The following AVEN variants were observed in gnomAD, a reference collection of about 807,000 sequenced individuals.
The protein encoded by AVEN is apoptosis and caspase activation inhibitor.
Under a neutral mutation model 38.1 loss-of-function variants are expected in AVEN, and 41 were observed. The observed-to-expected ratio is 1.08, with a 90% confidence interval of 0.84 to 1.40. The LOEUF (loss-of-function observed/expected upper bound fraction) is 1.40. Ranked by LOEUF, AVEN falls within the 40% of genes most tolerant of loss-of-function variation. AVEN has a pLI of 0.00. For missense variants in AVEN, 605 were observed against 438.8 expected (o/e 1.38, Z -3.38); for synonymous variants, 206 against 171.8 (o/e 1.20, Z -1.56).
At chr15:33,866,116 G>A (rs1890427277), downstream of AVEN, 2 of 163,104 alleles carry the variant, frequency 1.2e-5, no homozygotes, top group African/African-American at 4.8e-5. Flanking sequence ...CCAGGGTCTG[G>A]ACTCTTGGAA....
chr15:34,068,745 T>C (rs1900568747), intron 2 of AVEN, among the ~76,000 whole-genome samples: 2 of 152,212 alleles, frequency 1.3e-5, no homozygotes, highest in South Asian at 4.1e-4. Context: ...TGGTTAGACT[T>C]ATTTAATCTG....
At chr15:34,071,944 T>C (rs1305205184) in intron 1 of AVEN, among the ~76,000 whole-genome samples, 1 of 152,182 alleles carries the variant, frequency 6.6e-6, no homozygotes, top group Non-Finnish European at 1.5e-5. Context: ...ATTCACTATA[T>C]GTAATAATAT....
At chr15:33,861,180 T>TGAGTA in intron 11 of AVEN, 1 of 1,576,220 alleles carries the variant, frequency 6.3e-7, no homozygotes, top group Non-Finnish European at 8.6e-7. Context: ...CAACTACTTG[T>TGAGTA]GAGTATTCTT....
intron 2 of AVEN, among the ~76,000 whole-genome samples, chr15:33,925,803 T>C (rs1372449348): frequency 6.6e-6 from 1 of 152,182 alleles, no homozygotes; most frequent in Non-Finnish European, 1.5e-5. Context: ...GATGGAAAGT[T>C]TTTATAATTA....
downstream of AVEN, chr15:33,854,945 C>G (rs925668343): frequency 1.3e-6 from 2 of 1,580,894 alleles, no homozygotes; most frequent in Admixed American, 1.8e-5. Context: ...ACAGAATGGA[C>G]CTGTATATGC....
At chr15:34,010,885 A>C (rs889268301) in intron 1 of AVEN, among the ~76,000 whole-genome samples, 3 of 152,340 alleles carry the variant, frequency 2.0e-5, no homozygotes, top group South Asian at 2.1e-4. Context: ...AAACCTATTA[A>C]GGTCATTTTT....
rs369299222 is a variant in AVEN, at chr15:33,901,285, ACT to A, written c.446-25292_446-25291del. On this transcript the variant is annotated intron_variant, in intron 2 of 5. Coordinates refer to ENST00000306730, the MANE Select transcript of AVEN (RefSeq NM_020371.3). Reference sequence around the variant, plus strand: ...CCACCTCAAAAAAGAAAAGAAAAAGACTCTACCTTACCTTTCAAAAGGTATCA... The same window carrying A: ...CCACCTCAAAAAAGAAAAGAAAAAGACTACCTTACCTTTCAAAAGGTATCA... Among the ~76,000 whole-genome samples, 571 of 151,982 alleles carry A rather than the reference ACT, an allele frequency of 3.8e-3. 3 individuals carry two copies. Among genetic ancestry groups the A allele is most frequent in the Non-Finnish European group, 6.2e-3 (424 of 67,932 alleles).
At chr15:33,854,883 C>G, downstream of AVEN, 3 of 1,612,694 alleles carry the variant, frequency 1.9e-6, no homozygotes, top group Non-Finnish European at 2.5e-6. Context: ...GAGGACCATT[C>G]TGTCATCTGT....
intron 2 of AVEN, among the ~76,000 whole-genome samples, chr15:33,891,957 G>C (rs1891991400): frequency 6.6e-6 from 1 of 152,200 alleles, no homozygotes; most frequent in Admixed American, 6.5e-5. Flanking sequence ...TTGTGGTTTT[G>C]ATTTGCATTT....
At chr15:34,039,219 C>CGGGGCGGCCGGCGTCCCGCAGGTG (rs1899348001), upstream of AVEN, 1 of 446,144 alleles carries the variant, frequency 2.2e-6, no homozygotes, top group Admixed American at 6.2e-5. Context: ...CGGGGCGGGG[C>CGGGGCGGCCGGCGTCCCGCAGGTG]GGGGCGGCCG....
At chr15:34,062,208 T>C (rs1405088288) in intron 5 of AVEN, among the ~76,000 whole-genome samples, 1 of 152,234 alleles carries the variant, frequency 6.6e-6, no homozygotes, top group Admixed American at 6.5e-5. Context: ...CTTTAGAGAT[T>C]TCAGCATCTT....
At position 34,038,975 on chromosome 15, in the gene AVEN, G is replaced by A. The variant is rs1899322446; in HGVS notation, c.72C>T (p.Arg24=). ...CTGCGGCTCCGGGCCGCTCGCTGTG[G>A]CGATCTCCGCCAGGCCGGCCGCGGC... is the stretch of plus-strand genomic sequence containing the variant. ...RPGRGRPGGD[R]HSERPGAAAA... Residue 24 remains arginine (R), a synonymous_variant, in exon 1 of 6, where the codon CGC becomes CGT. Coordinates refer to ENST00000306730, the MANE Select transcript of AVEN (RefSeq NM_020371.3). 1 of 1,112,544 alleles carries A rather than the reference G, an allele frequency of 9.0e-7. No individual in the cohort carries two copies. Among genetic ancestry groups the A allele is most frequent in the African/African-American group, 1.7e-5 (1 of 59,560 alleles). 68.9% of individuals were successfully genotyped at this position (1,112,544 alleles called of 1,614,324 possible).
intron 1 of AVEN, among the ~76,000 whole-genome samples, chr15:34,074,330 CA>C (rs1277487463): frequency 1.3e-5 from 2 of 152,010 alleles, no homozygotes; most frequent in Non-Finnish European, 2.9e-5. Flanking sequence ...AAACAAAAAA[CA>C]ACCAAAAAAA....
At chr15:33,881,865 G>A (rs7163545) in intron 2 of AVEN, among the ~76,000 whole-genome samples, 15,652 of 152,136 alleles carry the variant, frequency 0.1, 1,116 homozygotes, top group African/African-American at 0.19. Context: ...ACACATGGTG[G>A]ATCTGACTAA....
At chr15:34,047,317 T>A (rs955657352) in intron 5 of AVEN, among the ~76,000 whole-genome samples, 1 of 152,138 alleles carries the variant, frequency 6.6e-6, no homozygotes, top group African/African-American at 2.4e-5. Flanking sequence ...GACCTGATGA[T>A]CCGCCCGTGT....
intron 2 of AVEN, among the ~76,000 whole-genome samples, chr15:33,939,609 G>C (rs371336165): frequency 6.6e-6 from 1 of 152,322 alleles, no homozygotes; most frequent in East Asian, 1.9e-4. Flanking sequence ...TTTCAAAATA[G>C]CTGTGAATTA....
chr15:34,008,973 CACAG>C (rs796905000), intron 1 of AVEN, among the ~76,000 whole-genome samples: 487 of 151,376 alleles, frequency 3.2e-3, no homozygotes, highest in Admixed American at 4.9e-3. Context: ...CACACACACA[CACAG>C]ACCATCGAGA....
intron 2 of AVEN, among the ~76,000 whole-genome samples, chr15:33,964,602 C>T (rs1895317341): frequency 6.6e-6 from 1 of 152,066 alleles, no homozygotes; most frequent in Admixed American, 6.6e-5. Context: ...TACAACCACT[C>T]TAGTTCATAT....
At chr15:33,931,516 A>C (rs183118464) in intron 2 of AVEN, among the ~76,000 whole-genome samples, 30 of 151,048 alleles carry the variant, frequency 2.0e-4, no homozygotes. Context: ...GACTACAGGC[A>C]CCCGCCACCA....
Sources: gnomAD v4.1 joint callset for allele counts (sites outside exome capture counted in the v4.1 genomes callset) on GRCh38, gnomAD v4.1.1 for gene constraint, MANE v1.5 for transcripts, NCBI Gene and HGNC (gene_info 2026-07-23, HGNC 2026-07-21) for gene names.